Variants in SRGAP3 observed in about 807,000 individuals in gnomAD.
SRGAP3 encodes the protein SLIT-ROBO Rho GTPase activating protein 3.
In SRGAP3, 39 loss-of-function variants were observed where a neutral mutation model predicts 121.1. The ratio of observed to expected loss-of-function variants is 0.32; its 90% CI spans 0.25 to 0.42. The LOEUF (loss-of-function observed/expected upper bound fraction) is 0.42. Ranked by LOEUF, SRGAP3 falls within the 10% of genes least tolerant of loss-of-function variation. SRGAP3 has a pLI of 1.00. For missense variants in SRGAP3, 1,213 were observed against 1,470.6 expected, an observed-to-expected ratio of 0.82 and a Z score of 2.86; for synonymous variants, 601 against 570.0, an observed-to-expected ratio of 1.05 and a Z score of -0.77.
At chr3:9,098,633 C>G (rs1331773711) in intron 3 of SRGAP3, among the ~76,000 whole-genome samples, 1 of 152,170 alleles carries the variant, frequency 6.6e-6, no homozygotes, top group African/African-American at 2.4e-5. Context: ...TGGATTCAAA[C>G]CCTAACCTCA....
intron 21 of SRGAP3, among the ~76,000 whole-genome samples, chr3:8,988,870 G>A (rs1042815018): frequency 2.0e-5 from 3 of 152,110 alleles, no homozygotes; most frequent in African/African-American, 7.2e-5. Flanking sequence ...AAGATCTAAT[G>A]CCCCCGCTGA....
intron 1 of SRGAP3, among the ~76,000 whole-genome samples, chr3:9,144,344 TC>T (rs1279734919): frequency 6.6e-6 from 1 of 152,220 alleles, no homozygotes; most frequent in Non-Finnish European, 1.5e-5. Context: ...CCTTCTCTCT[TC>T]CCCTTCAACA....
At chr3:9,050,634 T>C (rs1017232904) in intron 9 of SRGAP3, among the ~76,000 whole-genome samples, 1 of 152,242 alleles carries the variant, frequency 6.6e-6, no homozygotes, top group Non-Finnish European at 1.5e-5. Flanking sequence ...TGATGACCAT[T>C]AGTCATAGAT....
Position 9,010,266 on chromosome 3 carries a change from C to G in SRGAP3, c.2227+42G>C, listed in dbSNP as rs766634988. The G allele has an allele frequency of 1.9e-6, 3 of 1,610,108 alleles. No homozygotes were observed. The South Asian group carries it at 3.3e-5, about 18-fold the overall frequency. The stretch of plus-strand genomic sequence containing the variant: ...GGCTGACAAAAGTCAGTGTGAGAGG[C>G]CCCAGGAAGAATCCCTTGTCCCCAG... On this transcript the variant is annotated intron_variant, in intron 18 of 21. Transcript: ENST00000383836.
intron 4 of SRGAP3, among the ~76,000 whole-genome samples, chr3:9,069,773 C>G (rs1462246568): frequency 6.6e-6 from 1 of 152,074 alleles, no homozygotes; most frequent in Non-Finnish European, 1.5e-5. Context: ...ATAGTGAAAC[C>G]CTGTCTCTAC....
chr3:9,330,757 C>A (rs966433739), intron 1 of SRGAP3, among the ~76,000 whole-genome samples: 2 of 152,028 alleles, frequency 1.3e-5, no homozygotes, highest in East Asian at 3.9e-4. Context: ...GGTAAAGTGA[C>A]GTACAGGAAT....
intron 1 of SRGAP3, among the ~76,000 whole-genome samples, chr3:9,190,679 T>C (rs1268544556): frequency 6.6e-6 from 1 of 152,190 alleles, no homozygotes; most frequent in Non-Finnish European, 1.5e-5. Flanking sequence ...GTCAGCTATC[T>C]GGGGCCTGAA....
chr3:9,085,319 G>A lies in SRGAP3; in HGVS notation c.424-5232C>T, dbSNP rs565361719. 1.2e-4 allele frequency among the ~76,000 whole-genome samples: 18 copies of A among 152,346 alleles called. 1 individual carries two copies. The East Asian group carries it at 2.9e-3, about 24-fold the overall frequency. ...CTGTCTCAACTCAGACAGCTCTGAG[G>A]AGTCATTCCATCTTCAGAACTCCCT... is the stretch of plus-strand genomic sequence containing the variant. On this transcript the variant is annotated intron_variant, in intron 3 of 21. Coordinates refer to ENST00000383836, the MANE Select transcript of SRGAP3 (RefSeq NM_014850.4).
intron 1 of SRGAP3, among the ~76,000 whole-genome samples, chr3:9,208,627 G>A (rs1005412939): frequency 1.3e-5 from 2 of 152,128 alleles, no homozygotes; most frequent in African/African-American, 2.4e-5. Context: ...TACCTTGCTG[G>A]GGATCTTGTC....
intron 1 of SRGAP3, among the ~76,000 whole-genome samples, chr3:9,182,453 G>A (rs1219692242): frequency 2.6e-5 from 4 of 152,074 alleles, no homozygotes; most frequent in Admixed American, 2.6e-4. Context: ...CCAGAAGCCA[G>A]AAAAGACCAG....
At chr3:9,272,224 A>T (rs1278154195) in intron 3 of SRGAP3, among the ~76,000 whole-genome samples, 1 of 152,218 alleles carries the variant, frequency 6.6e-6, no homozygotes, top group Non-Finnish European at 1.5e-5. Flanking sequence ...ATCACTTTTT[A>T]AAGTTTTTTA....
At chr3:8,991,738 G>A (rs1942066699) in intron 20 of SRGAP3, among the ~76,000 whole-genome samples, 1 of 152,174 alleles carries the variant, frequency 6.6e-6, no homozygotes, top group Non-Finnish European at 1.5e-5. Flanking sequence ...AGTGGTGAGG[G>A]GAGAGGGAGA....
Position 9,053,369 on chromosome 3 carries a change from T to C in SRGAP3, c.1126-145A>G, listed in dbSNP as rs543297882. 1.0e-5 allele frequency: 9 copies of C among 898,448 alleles called. No individual in the cohort carries two copies. The East Asian group carries it at 1.6e-4, about 16-fold the overall frequency. The allele number at this position is 898,448 out of a possible 1,614,324, so 55.7% of individuals were successfully genotyped here. ...AACAAAAATAATCCTTCTCACTGTA[T>C]TAATGTGGAAAACACAAATTAGTCA... On this transcript the variant is annotated intron_variant, in intron 8 of 21. Transcript: ENST00000383836.
At chr3:9,021,557 A>G (rs955695079) in intron 14 of SRGAP3, among the ~76,000 whole-genome samples, 1 of 152,230 alleles carries the variant, frequency 6.6e-6, no homozygotes, top group Non-Finnish European at 1.5e-5. Context: ...GAGAAGGAAA[A>G]AAAAAAGTAG....
chr3:9,036,130 A>C lies in SRGAP3; in HGVS notation c.1436+1933T>G, dbSNP rs1021303815. 3 of 152,222 alleles carry C rather than the reference A, an allele frequency of 2.0e-5. No homozygotes were observed. In the South Asian group the frequency reaches 6.2e-4, roughly 32 times the overall value. The allele number at this position is 152,222 out of a possible 1,614,324, so 9.4% of individuals were successfully genotyped here. A position where few individuals can be genotyped will look rare whatever the true frequency, so the allele number is the denominator to read the frequency against. On this transcript the variant is annotated intron_variant, in intron 11 of 21. Coordinates refer to ENST00000383836, the MANE Select transcript of SRGAP3 (RefSeq NM_014850.4). ...TATGAATTTGGTCTATTCTAAGATA[A>C]GGTTCTGAAGTGTGAGAAAAATATA...
Position 8,984,741 on chromosome 3 carries a change from G to A in SRGAP3, c.*778C>T. On this transcript the variant is annotated 3_prime_UTR_variant, in exon 22 of 22. Coordinates refer to ENST00000383836, the MANE Select transcript of SRGAP3 (RefSeq NM_014850.4). ...GGTCTCTGGGGTGGACGGGGGTGGG[G>A]ATTTCCTATGAAGGGTTCCCCACCT... 1 of 232,260 alleles carries A rather than the reference G, an allele frequency of 4.3e-6. No individual in the cohort carries two copies. The highest frequency in any genetic ancestry group is 8.5e-6 in the Non-Finnish European group (1 of 117,138). 14.4% of individuals were successfully genotyped at this position (232,260 alleles called of 1,614,324 possible).
At chr3:9,341,055 A>C (rs983876687) in intron 1 of SRGAP3, among the ~76,000 whole-genome samples, 1 of 152,206 alleles carries the variant, frequency 6.6e-6, no homozygotes, top group African/African-American at 2.4e-5. Flanking sequence ...ACAGATTGAG[A>C]CAGAAAGAGA....
chr3:9,042,565 A>G (rs1454539105), intron 10 of SRGAP3, among the ~76,000 whole-genome samples: 1 of 152,190 alleles, frequency 6.6e-6, no homozygotes, highest in African/African-American at 2.4e-5. Context: ...CAAAGCCACA[A>G]GCAGTTACAT....
At chr3:9,112,167 C>G (rs1377661835) in intron 2 of SRGAP3, among the ~76,000 whole-genome samples, 2 of 152,336 alleles carry the variant, frequency 1.3e-5, no homozygotes, top group East Asian at 3.9e-4. Flanking sequence ...TGCAGAGTCC[C>G]ATGTTCCAGA....
Sources: gnomAD v4.1 joint callset for allele counts (sites outside exome capture counted in the v4.1 genomes callset) on GRCh38, gnomAD v4.1.1 for gene constraint, MANE v1.5 for transcripts, NCBI Gene and HGNC (gene_info 2026-07-23, HGNC 2026-07-21) for gene names.